CTNNA3: variants seen among roughly 807,000 people sequenced by gnomAD.
CTNNA3 encodes catenin alpha-3.
Under a neutral mutation model 95.7 loss-of-function variants are expected in CTNNA3, and 76 were observed. That is an observed-to-expected ratio of 0.79 (90% CI 0.66 to 0.96). CTNNA3 has a LOEUF of 0.96. Ranked by LOEUF, CTNNA3 falls within the 40% of genes least tolerant of loss-of-function variation. CTNNA3 has a pLI of 0.00. For synonymous variants in CTNNA3, 431 were observed against 374.4 expected, an observed-to-expected ratio of 1.15 and a Z score of -1.74; for missense variants, 1,191 against 1,089.8, an observed-to-expected ratio of 1.09 and a Z score of -1.31.
Position 66,026,522 on chromosome 10 carries a change from C to T in CTNNA3, c.2160-37725G>A, listed in dbSNP as rs535101650. On this transcript the variant is annotated intron_variant, in intron 15 of 17. Transcript: ENST00000433211. ...GGAACATCTGCAGAACAACAAGGGC[C>T]AAAAATGACTTCAAATGACACATAA... is the stretch of plus-strand genomic sequence containing the variant. Among the ~76,000 whole-genome samples, 3 of 152,056 alleles carry T rather than the reference C, an allele frequency of 2.0e-5. No individual in the cohort carries two copies. In the South Asian group the frequency reaches 6.2e-4, roughly 32 times the overall value.
rs566667754 is a variant in CTNNA3, at chr10:65,938,876, T to C, written c.2401-18259A>G. ...GTAACTGGAAGACAGCATAGACTAG[T>C]AGAAAGAGTTTTCCTTTTTTTTTTT... On this transcript the variant is annotated intron_variant, in intron 17 of 17. Transcript: ENST00000433211. Among the ~76,000 whole-genome samples the C allele has an allele frequency of 2.3e-4, 35 of 150,932 alleles. No individual in the cohort carries two copies. The South Asian group carries it at 7.0e-3, about 30-fold the overall frequency.
At chr10:66,376,732 A>G (rs924495548) in intron 12 of CTNNA3, among the ~76,000 whole-genome samples, 1 of 152,204 alleles carries the variant, frequency 6.6e-6, no homozygotes, top group African/African-American at 2.4e-5. Flanking sequence ...TGAAGACTGT[A>G]TAAAAGAAAA....
rs1396076139 is a variant in CTNNA3, at chr10:65,916,729, G to A, written c.*3601C>T. On this transcript the variant is annotated 3_prime_UTR_variant, in exon 18 of 18. Transcript: ENST00000433211. The stretch of plus-strand genomic sequence containing the variant: ...ATTTTTGGTTCACAGAAGAGGAAAG[G>A]GCATTAATTGGAGTAATTTGCTGTG... 1 of 152,102 alleles carries A rather than the reference G, an allele frequency of 6.6e-6. No homozygotes were observed. The highest frequency in any genetic ancestry group is 1.5e-5 in the Non-Finnish European group (1 of 68,022). The allele number at this position is 152,102 out of a possible 1,614,324, so 9.4% of individuals were successfully genotyped here. A position where few individuals can be genotyped will look rare whatever the true frequency, so the allele number is the denominator to read the frequency against.
At chr10:66,302,877 A>AG (rs2091882868) in intron 12 of CTNNA3, among the ~76,000 whole-genome samples, 2 of 152,166 alleles carry the variant, frequency 1.3e-5, no homozygotes, top group African/African-American at 4.8e-5. Context: ...TCCATGCCCA[A>AG]ATTAGATCCA....
At chr10:67,485,680 T>C (rs1031260348) in intron 5 of CTNNA3, among the ~76,000 whole-genome samples, 7 of 152,166 alleles carry the variant, frequency 4.6e-5, no homozygotes, top group Non-Finnish European at 1.0e-4. Flanking sequence ...TGTTTTCTAC[T>C]AGTAACAAGT....
At chr10:67,416,623 A>AC (rs930170044) in intron 5 of CTNNA3, among the ~76,000 whole-genome samples, 9 of 150,362 alleles carry the variant, frequency 6.0e-5, no homozygotes, top group African/African-American at 2.2e-4. Flanking sequence ...AAAAAAAAAA[A>AC]AAAAAAAACA....
intron 13 of CTNNA3, among the ~76,000 whole-genome samples, chr10:66,219,714 T>C (rs2088802297): frequency 6.6e-6 from 1 of 152,018 alleles, no homozygotes; most frequent in African/African-American, 2.4e-5. Flanking sequence ...GCTAAGCCAC[T>C]CCAGCATTCT....
intron 7 of CTNNA3, among the ~76,000 whole-genome samples, chr10:67,092,959 A>T (rs1589727884): frequency 6.6e-6 from 1 of 151,998 alleles, no homozygotes; most frequent in African/African-American, 2.4e-5. Flanking sequence ...AGCTAAGAGT[A>T]TACATGATAA....
At position 67,092,566 on chromosome 10, in the gene CTNNA3, C is replaced by A. The variant is rs538767831; in HGVS notation, c.1047+87751G>T. On this transcript the variant is annotated intron_variant, in intron 7 of 17. Transcript: ENST00000433211. ...ATACAAAGATATTTGTACAAATATA[C>A]CTAGATATTACTTATATAGTTAATA... Among the ~76,000 whole-genome samples the A allele has an allele frequency of 1.8e-3, 277 of 151,774 alleles. 1 individual carries two copies. Among genetic ancestry groups the A allele is most frequent in the Middle Eastern group, 3.4e-3 (1 of 290 alleles).
At chr10:66,099,447 AC>A (rs1488297229) in intron 14 of CTNNA3, among the ~76,000 whole-genome samples, 2 of 152,156 alleles carry the variant, frequency 1.3e-5, no homozygotes, top group African/African-American at 4.8e-5. Context: ...AGTATGGAAC[AC>A]AGATATTAGT....
At chr10:66,918,802 G>A (rs1240096011) in intron 7 of CTNNA3, among the ~76,000 whole-genome samples, 1 of 152,198 alleles carries the variant, frequency 6.6e-6, no homozygotes, top group Non-Finnish European at 1.5e-5. Context: ...AAATGTGCAT[G>A]TGTGTAGATA....
At chr10:66,820,877 TA>T (rs1842283665) in intron 7 of CTNNA3, among the ~76,000 whole-genome samples, 1 of 152,034 alleles carries the variant, frequency 6.6e-6, no homozygotes, top group South Asian at 2.1e-4. Flanking sequence ...GTCTTAAAAA[TA>T]AAAATGCAAA....
At chr10:67,573,268 C>G (rs1045083384) in intron 3 of CTNNA3, among the ~76,000 whole-genome samples, 1 of 152,012 alleles carries the variant, frequency 6.6e-6, no homozygotes. Flanking sequence ...TACGACCAAC[C>G]CCCAAAAAAA....
intron 1 of CTNNA3, among the ~76,000 whole-genome samples, chr10:67,727,819 ATAT>A (rs541580775): frequency 4.6e-5 from 6 of 129,580 alleles, no homozygotes; most frequent in African/African-American, 1.8e-4. Context: ...TATATATCAT[ATAT>A]TATATTACAT....
chr10:67,597,194 TG>T (rs1193296814), intron 3 of CTNNA3, among the ~76,000 whole-genome samples: 1 of 152,244 alleles, frequency 6.6e-6, no homozygotes, highest in Non-Finnish European at 1.5e-5. Context: ...TTCCTTGGAT[TG>T]GGTTTCAACT....
intron 10 of CTNNA3, among the ~76,000 whole-genome samples, chr10:66,610,268 T>A (rs1431650967): frequency 6.9e-6 from 1 of 144,108 alleles, no homozygotes; most frequent in East Asian, 2.1e-4. Flanking sequence ...CCTGGAGCAA[T>A]GCTTCAGGCC....
intron 15 of CTNNA3, among the ~76,000 whole-genome samples, chr10:66,024,541 T>C (rs760200601): frequency 6.6e-6 from 1 of 152,248 alleles, no homozygotes; most frequent in Non-Finnish European, 1.5e-5. Flanking sequence ...TCTTTACACA[T>C]ACAGTTCAGA....
rs189424014 is a variant in CTNNA3 at position 66,551,964 on chromosome 10, G to A, written c.1375-31191C>T. Among the ~76,000 whole-genome samples the A allele has an allele frequency of 2.5e-3, 363 of 143,514 alleles. 2 individuals carry two copies. Among genetic ancestry groups the A allele is most frequent in the African/African-American group, 8.3e-3 (323 of 38,846 alleles). The allele number at this position is 143,514 out of a possible 152,430, so 94.2% of individuals were successfully genotyped here. A position where few individuals can be genotyped will look rare whatever the true frequency, so the allele number is the denominator to read the frequency against. On this transcript the variant is annotated intron_variant, in intron 10 of 17. Transcript: ENST00000433211. ...GTCGCCCAGGCTGGAGTGCAGTGGC[G>A]CTGATCTTGGCTCACTGCAACCTCT...
chr10:67,609,542 C>A (rs570882786), intron 2 of CTNNA3, among the ~76,000 whole-genome samples: 25 of 152,120 alleles, frequency 1.6e-4, no homozygotes, highest in South Asian at 6.2e-4. Context: ...CCAATAGATC[C>A]TCTGTTTCAT....
Sources: allele counts gnomAD v4.1 joint callset (sites outside exome capture counted in the v4.1 genomes callset), GRCh38; gene constraint gnomAD v4.1.1; transcripts MANE v1.5; gene names NCBI Gene and HGNC (gene_info 2026-07-23, HGNC 2026-07-21).